The following ITGB6 variants were observed in gnomAD, a reference collection of about 807,000 sequenced individuals.
The protein encoded by ITGB6 is integrin subunit beta 6, also known as integrin beta-6.
ITGB6 carries 80 observed loss-of-function variants against 84.5 expected under a neutral mutation model. That is an observed-to-expected ratio of 0.95 (90% CI 0.79 to 1.14). The LOEUF (loss-of-function observed/expected upper bound fraction) is 1.14. Among genes scored for constraint, ITGB6 ranks in the 50% most tolerant of loss-of-function variants. ITGB6 has a pLI of 0.00. For missense variants in ITGB6, 1,006 were observed against 968.0 expected (o/e 1.04, Z -0.52); for synonymous variants, 383 against 354.9 (o/e 1.08, Z -0.89).
chr2:160,150,569 C>T (rs1684374519), intron 7 of ITGB6, among the ~76,000 whole-genome samples: 2 of 152,076 alleles, frequency 1.3e-5, no homozygotes, highest in Non-Finnish European at 2.9e-5. Context: ...AAATAACCAG[C>T]GAACATCATA....
chr2:160,142,769 A>G (rs1415270973), intron 7 of ITGB6, among the ~76,000 whole-genome samples: 1 of 152,212 alleles, frequency 6.6e-6, no homozygotes, highest in Non-Finnish European at 1.5e-5. Context: ...TGAGTTCATC[A>G]TCACTCCAGG....
intron 4 of ITGB6, among the ~76,000 whole-genome samples, chr2:160,189,762 T>C (rs1183292557): frequency 6.6e-6 from 1 of 152,114 alleles, no homozygotes; most frequent in Non-Finnish European, 1.5e-5. Flanking sequence ...GGTGGGACTG[T>C]AAACTAGTTC....
chr2:160,104,550 T>C (rs1300025565), intron 14 of ITGB6, among the ~76,000 whole-genome samples: 2 of 152,212 alleles, frequency 1.3e-5, no homozygotes, highest in African/African-American at 2.4e-5. Flanking sequence ...CAATGACACA[T>C]TTTTCAAGAT....
At chr2:160,189,124 T>C (rs1289093896) in intron 4 of ITGB6, among the ~76,000 whole-genome samples, 2 of 152,284 alleles carry the variant, frequency 1.3e-5, no homozygotes, top group African/African-American at 4.8e-5. Context: ...ATTTAATAAA[T>C]GGTGCTGGGA....
At chr2:160,113,782 A>G (rs10929970) in intron 12 of ITGB6, among the ~76,000 whole-genome samples, 101,569 of 152,116 alleles carry the variant, frequency 0.67, 34,269 homozygotes, top group Admixed American at 0.74. Flanking sequence ...TATTTCATAT[A>G]TTTGATTGCA....
Position 160,196,207 on chromosome 2 carries a change from C to T in ITGB6, c.346+9G>A, listed in dbSNP as rs761452842. The T allele has an allele frequency of 6.2e-7, 1 of 1,612,664 alleles. No individual in the cohort carries two copies. The highest frequency in any genetic ancestry group is 8.5e-7 in the Non-Finnish European group (1 of 1,178,782). On this transcript the variant is annotated intron_variant, in intron 3 of 14. Coordinates refer to ENST00000283249, the MANE Select transcript of ITGB6 (RefSeq NM_000888.5). ...TAGATCTATTTACATGAGCCAAATC[C>T]TAACATACCTGGTCTCAACTTAAGG...
At chr2:160,107,928 T>A (rs1696975082) in intron 13 of ITGB6, 83 bp from the exon 14 acceptor site, 2 of 1,201,510 alleles carry the variant, frequency 1.7e-6, no homozygotes, top group East Asian at 5.0e-5. Flanking sequence ...GATTTTCATC[T>A]ACATTTTCTG....
intron 12 of ITGB6, among the ~76,000 whole-genome samples, chr2:160,117,390 T>A (rs1383054596): frequency 6.6e-6 from 1 of 151,700 alleles, no homozygotes; most frequent in African/African-American, 2.4e-5. Flanking sequence ...ACATGGAAAC[T>A]GAACAACCTG....
At chr2:160,159,966 A>G (rs115749975) in intron 7 of ITGB6, among the ~76,000 whole-genome samples, 1,602 of 152,140 alleles carry the variant, frequency 0.011, 9 homozygotes, top group South Asian at 0.015. Context: ...ATTCTCCTCT[A>G]TACTCCTAGG....
chr2:160,177,317 A>G (rs1685458469), intron 4 of ITGB6, among the ~76,000 whole-genome samples: 2 of 152,176 alleles, frequency 1.3e-5, no homozygotes, highest in African/African-American at 2.4e-5. Context: ...CTGTAATCCC[A>G]GCACTTTGGG....
chr2:160,155,362 C>G (rs1164945115), intron 7 of ITGB6, among the ~76,000 whole-genome samples: 2 of 152,130 alleles, frequency 1.3e-5, no homozygotes, highest in Non-Finnish European at 2.9e-5. Flanking sequence ...TGAAACTACT[C>G]TGTACGATAC....
At chr2:160,199,433 A>C (rs1003015032) in intron 1 of ITGB6, among the ~76,000 whole-genome samples, 175 bp from the exon 2 acceptor site, 2 of 152,248 alleles carry the variant, frequency 1.3e-5, no homozygotes, top group Non-Finnish European at 2.9e-5. Flanking sequence ...TACATCTATC[A>C]CATGTAAAAT....
At chr2:160,118,516 A>C in intron 12 of ITGB6, among the ~76,000 whole-genome samples, 1 of 152,074 alleles carries the variant, frequency 6.6e-6, no homozygotes, top group Non-Finnish European at 1.5e-5. Context: ...GACGTATCTC[A>C]AAATAATAAG....
intron 2 of ITGB6, among the ~76,000 whole-genome samples, chr2:160,198,046 C>T (rs1574153694): frequency 6.6e-6 from 1 of 152,270 alleles, no homozygotes; most frequent in Middle Eastern, 3.4e-3. Context: ...TAAGTAAATG[C>T]TGAAAAATGC....
chr2:160,152,213 A>G (rs1262563472), intron 7 of ITGB6, among the ~76,000 whole-genome samples: 10 of 152,208 alleles, frequency 6.6e-5, no homozygotes, highest in Admixed American at 6.5e-4. Flanking sequence ...ATACTGGCAA[A>G]CCAAATCCAG....
intron 5 of ITGB6, 134 bp downstream of exon 5, chr2:160,173,840 A>G: frequency 1.3e-6 from 1 of 777,768 alleles, no homozygotes; most frequent in East Asian, 3.1e-5. Context: ...AAAATTGTGT[A>G]TTTTAAGAAA....
intron 7 of ITGB6, among the ~76,000 whole-genome samples, chr2:160,165,530 C>T (rs1197303918): frequency 1.3e-5 from 2 of 152,126 alleles, no homozygotes; most frequent in Non-Finnish European, 2.9e-5. Context: ...TCCTCCCTCG[C>T]TGCAATGAAA....
intron 5 of ITGB6, among the ~76,000 whole-genome samples, chr2:160,172,940 A>T (rs1003593387): frequency 3.9e-5 from 6 of 152,196 alleles, no homozygotes; most frequent in African/African-American, 1.4e-4. Flanking sequence ...ACATTTTCAT[A>T]TGATTTATGC....
At chr2:160,114,570 C>T (rs962554700) in intron 12 of ITGB6, among the ~76,000 whole-genome samples, 12 of 152,148 alleles carry the variant, frequency 7.9e-5, no homozygotes, top group Admixed American at 2.6e-4. Context: ...CAGCACCCAG[C>T]GTGAGCAACG....
Sources: allele counts gnomAD v4.1 joint callset (sites outside exome capture counted in the v4.1 genomes callset), GRCh38; gene constraint gnomAD v4.1.1; transcripts MANE v1.5; gene names NCBI Gene and HGNC (gene_info 2026-07-23, HGNC 2026-07-21).